The following TMEM144 variants were observed in gnomAD, a reference collection of about 807,000 sequenced individuals.
TMEM144 encodes the protein transmembrane protein 144.
In TMEM144, 39 loss-of-function variants were observed where a neutral mutation model predicts 43.6. That is an observed-to-expected ratio of 0.90 (90% CI 0.69 to 1.17). The LOEUF is 1.17. Among genes scored for constraint, TMEM144 ranks in the 50% most tolerant of loss-of-function variants. The pLI, the probability that TMEM144 is intolerant of heterozygous loss-of-function variation, is 0.00. For missense variants in TMEM144, 417 were observed against 411.9 expected, an observed-to-expected ratio of 1.01 and a Z score of -0.11; for synonymous variants, 154 against 133.6, an observed-to-expected ratio of 1.15 and a Z score of -1.06.
chr4:158,232,253 G>A (rs1327835174), intron 6 of TMEM144, among the ~76,000 whole-genome samples: 2 of 152,214 alleles, frequency 1.3e-5, no homozygotes, highest in Non-Finnish European at 2.9e-5. Context: ...AGATTTAAAT[G>A]TATGTTTTTA....
intron 12 of TMEM144, among the ~76,000 whole-genome samples, chr4:158,246,129 A>T (rs1735882513): frequency 1.3e-5 from 2 of 152,164 alleles, no homozygotes; most frequent in Admixed American, 6.5e-5. Context: ...TAAAATGTTT[A>T]ATCTTTTTTT....
At chr4:158,249,588 A>G (rs1041667238) in intron 12 of TMEM144, among the ~76,000 whole-genome samples, 1 of 152,168 alleles carries the variant, frequency 6.6e-6, no homozygotes, top group African/African-American at 2.4e-5. Context: ...GGGGAAAAAA[A>G]TTTTTCATTC....
At chr4:158,224,006 T>A (rs1481743074) in intron 6 of TMEM144, among the ~76,000 whole-genome samples, 2 of 152,258 alleles carry the variant, frequency 1.3e-5, no homozygotes, top group Admixed American at 6.5e-5. Context: ...CCACAATGGT[T>A]GAACTAATTT....
chr4:158,250,420 T>C (rs111640330), intron 12 of TMEM144, among the ~76,000 whole-genome samples: 4 of 152,076 alleles, frequency 2.6e-5, no homozygotes, highest in African/African-American at 7.2e-5. Context: ...GTGAGGGAAG[T>C]AGGCAAAATG....
In TMEM144 at chr4:158,253,428, C is replaced by A; in HGVS notation, c.955-16C>A. 6.3e-7 allele frequency: 1 copy of A among 1,599,582 alleles called. No individual in the cohort carries two copies. Among genetic ancestry groups the A allele is most frequent in the South Asian group, 1.1e-5 (1 of 90,456 alleles). On this transcript the variant is annotated splice_polypyrimidine_tract_variant and intron_variant, in intron 12 of 12. Transcript: ENST00000296529. Reference sequence around the variant, plus strand: ...TCAGGCCTTATTCATCACTGTTATTCTTTTTTCTTATTCAGGGTCTACAAA... The same window carrying A: ...TCAGGCCTTATTCATCACTGTTATTATTTTTTCTTATTCAGGGTCTACAAA...
chr4:158,219,246 C>T (rs1734388593), intron 5 of TMEM144, 64 bp from the exon 6 acceptor site: 1 of 1,534,466 alleles, frequency 6.5e-7, no homozygotes, highest in South Asian at 1.1e-5. Flanking sequence ...TAGTCCATGC[C>T]CTTAAACATT....
In TMEM144 at chr4:158,241,519, A is replaced by C. The variant is rs574235589; in HGVS notation, c.813A>C (p.Ser271=). ...YPEAVLPGFL[S]GVLWAIATCC... ...GTCTTTGTATTTCAGGATTCCTGTC[A>C]GGAGTACTTTGGGCTATAGCTACCT... The change falls in exon 11 of 13, where the codon TCA becomes TCC. Residue 271 remains serine (S), a synonymous_variant. Transcript: ENST00000296529. 6.5e-5 allele frequency: 105 copies of C among 1,613,730 alleles called. No individual in the cohort carries two copies. The South Asian group carries it at 1.1e-3, about 17-fold the overall frequency.
At chr4:158,217,521 A>G (rs1734288008) in intron 5 of TMEM144, 101 bp downstream of exon 5, 1 of 844,754 alleles carries the variant, frequency 1.2e-6, no homozygotes, top group Non-Finnish European at 1.9e-6. Flanking sequence ...TTATTCTCAC[A>G]GAGTTTATAG....
At chr4:158,249,921 T>TGTGTGTGTGTGTGTG (rs1484969458) in intron 12 of TMEM144, among the ~76,000 whole-genome samples, 1 of 136,990 alleles carries the variant, frequency 7.3e-6, no homozygotes, top group Non-Finnish European at 1.6e-5. Context: ...TGTGTGTGTG[T>TGTGTGTGTGTGTGTG]GTGTGTGTGT....
At chr4:158,236,483 C>T (rs377501367) in intron 8 of TMEM144, among the ~76,000 whole-genome samples, 10 of 152,166 alleles carry the variant, frequency 6.6e-5, no homozygotes, top group African/African-American at 2.2e-4. Context: ...GCGTTTGGGA[C>T]GCTCCACGGC....
At chr4:158,247,511 G>C (rs1329697292) in intron 12 of TMEM144, among the ~76,000 whole-genome samples, 1 of 151,892 alleles carries the variant, frequency 6.6e-6, no homozygotes, top group Non-Finnish European at 1.5e-5. Context: ...AAAAGAATCA[G>C]CTGAAAAATT....
At chr4:158,238,612 A>C (rs1735475808) in intron 9 of TMEM144, among the ~76,000 whole-genome samples, 2 of 152,348 alleles carry the variant, frequency 1.3e-5, no homozygotes, top group South Asian at 2.1e-4. Context: ...GAAAAACAAG[A>C]GTGGGTATAT....
chr4:158,224,193 C>T (rs574183057), intron 6 of TMEM144, among the ~76,000 whole-genome samples: 1 of 152,188 alleles, frequency 6.6e-6, no homozygotes, highest in Non-Finnish European at 1.5e-5. Context: ...GTTTGTTGGT[C>T]ATGCAAATGT....
chr4:158,252,794 GGA>G (rs1277863276), intron 12 of TMEM144, among the ~76,000 whole-genome samples: 6 of 144,446 alleles, frequency 4.2e-5, no homozygotes, highest in Non-Finnish European at 9.0e-5. Flanking sequence ...GGTGACGGAG[GGA>G]GACTCCGTCT....
At chr4:158,247,939 A>C (rs928609558) in intron 12 of TMEM144, among the ~76,000 whole-genome samples, 2 of 151,350 alleles carry the variant, frequency 1.3e-5, no homozygotes, top group South Asian at 2.1e-4. Flanking sequence ...AAAAAAAAGC[A>C]TGACAGCACA....
At chr4:158,212,542 A>G (rs897284856) in intron 2 of TMEM144, 66 bp from the exon 3 acceptor site, 1 of 646,678 alleles carries the variant, frequency 1.5e-6, no homozygotes, top group East Asian at 2.8e-5. Flanking sequence ...CAATAAATAT[A>G]ATATGTTAAT....
intron 6 of TMEM144, among the ~76,000 whole-genome samples, chr4:158,226,973 A>C (rs1280053735): frequency 6.6e-6 from 1 of 152,108 alleles, no homozygotes; most frequent in African/African-American, 2.4e-5. Context: ...GTCTGAGGCC[A>C]CAAGAATAGA....
At chr4:158,224,733 C>T (rs913694746) in intron 6 of TMEM144, among the ~76,000 whole-genome samples, 13 of 152,132 alleles carry the variant, frequency 8.5e-5, no homozygotes, top group African/African-American at 2.9e-4. Flanking sequence ...TGAGTTTCCT[C>T]ATGCTTCGGC....
chr4:158,212,785 T>A lies in TMEM144; in HGVS notation c.109+9T>A. 1 of 1,581,278 alleles carries A rather than the reference T, an allele frequency of 6.3e-7. No individual in the cohort carries two copies. The highest frequency in any genetic ancestry group is 8.7e-7 in the Non-Finnish European group (1 of 1,150,332). On this transcript the variant is annotated intron_variant, in intron 3 of 12. Coordinates refer to ENST00000296529, the MANE Select transcript of TMEM144 (RefSeq NM_018342.5). ...ATTTGATACTGGTGATGGTAATTAT[T>A]TTTCCTTGATTGTTAACGTTATATT...
Sources: gnomAD v4.1 joint callset for allele counts (sites outside exome capture counted in the v4.1 genomes callset) on GRCh38, gnomAD v4.1.1 for gene constraint, MANE v1.5 for transcripts, NCBI Gene and HGNC (gene_info 2026-07-23, HGNC 2026-07-21) for gene names.